The following ULK1 variants were observed in gnomAD, a reference collection of about 807,000 sequenced individuals.
ULK1 encodes the protein serine/threonine-protein kinase ULK1.
Under a neutral mutation model 117.5 loss-of-function variants are expected in ULK1, and 48 were observed. That is an observed-to-expected ratio of 0.41 (90% confidence interval 0.32 to 0.52). ULK1 has a LOEUF of 0.52. ULK1 is among the 20% of genes least tolerant of loss of function. The pLI is 0.29. For synonymous variants in ULK1, 790 were observed against 637.8 expected (o/e 1.24, Z -3.60); for missense variants, 1,387 against 1,473.4 (o/e 0.94, Z 0.96).
chr12:131,917,499 C>T lies in ULK1; in HGVS notation c.2271C>T (p.Gly757=). The T allele has an allele frequency of 6.7e-7, 1 of 1,488,862 alleles. No homozygotes were observed. The allele number at this position is 1,488,862 out of a possible 1,614,324, so 92.2% of individuals were successfully genotyped here. A position where few individuals can be genotyped will look rare whatever the true frequency, so the allele number is the denominator to read the frequency against. The change falls in exon 22 of 28, where the codon GGC becomes GGT. Residue 757 remains glycine, a synonymous_variant. Transcript: ENST00000321867. ...SSPSPVVFTV[G]SPPSGSTPPQ... ...CTTCCCCGGTGGTCTTCACCGTGGG[C>T]TCTCCCCCGAGCGGGAGCACGCCCC... is the stretch of plus-strand genomic sequence containing the variant.
rs939349268 is a variant in ULK1 at position 131,903,518 on chromosome 12, C to G, written c.247-3374C>G. Among the ~76,000 whole-genome samples the G allele has an allele frequency of 1.3e-5, 2 of 152,082 alleles. No homozygotes were observed. Among genetic ancestry groups the G allele is most frequent in the African/African-American group, 4.8e-5 (2 of 41,390 alleles). ...ACTTCACAGGAGGCTCTCGGAGGCA[C>G]GGGAAAGGCCCTGGTGTGCCCCGAT... On this transcript the variant is annotated intron_variant, in intron 3 of 27. Transcript: ENST00000321867. The surrounding 1 kb of genome is among the most constrained non-coding windows in gnomAD (Gnocchi z 6.0).
rs1288098307 is a variant in ULK1, at chr12:131,913,750, C to A, written c.1161C>A (p.Ser387Arg). 1.3e-6 allele frequency: 2 copies of A among 1,532,326 alleles called. No homozygotes were observed. Among genetic ancestry groups the A allele is most frequent in the East Asian group, 5.0e-5 (2 of 40,190 alleles). 94.9% of individuals were successfully genotyped at this position (1,532,326 alleles called of 1,614,324 possible). A position where few individuals can be genotyped will look rare whatever the true frequency, so the allele number is the denominator to read the frequency against. ...TGGCCTCCCTTCTGCCCCACAGGAG[C>A]TCACTGGTGGCCTCTGCGGGCTTGG... ...PPPDSLMCSG[S>R]SLVASAGLES... Residue 387 changes from serine (S) to arginine (R), a missense_variant, in exon 15 of 28, where the codon AGC becomes AGA. This residue lies in a region of ULK1 where 260 missense variants were observed against 271.6 expected (regional missense o/e 0.96). Coordinates refer to ENST00000321867, the MANE Select transcript of ULK1 (RefSeq NM_003565.4).
intron 16 of ULK1, among the ~76,000 whole-genome samples, 188 bp from the exon 17 acceptor site, chr12:131,914,895 C>T (rs570806635): frequency 6.6e-6 from 1 of 152,188 alleles, no homozygotes; most frequent in East Asian, 1.9e-4. Context: ...ACTGTGTGGC[C>T]GGTTACCTGG....
intron 19 of ULK1, 64 bp downstream of exon 19, chr12:131,916,223 G>A: frequency 6.4e-7 from 1 of 1,572,060 alleles, no homozygotes; most frequent in Admixed American, 2.0e-5. Context: ...GGAATGGCCA[G>A]TCCTGAACAA....
chr12:131,907,082 T>C (rs1889306476), intron 4 of ULK1, among the ~76,000 whole-genome samples, 158 bp downstream of exon 4: 1 of 152,152 alleles, frequency 6.6e-6, no homozygotes, highest in Non-Finnish European at 1.5e-5. Flanking sequence ...AGTGCTGCGA[T>C]CTCAGCTTAC....
Position 131,913,234 on chromosome 12 carries a change from C to T in ULK1, c.1133C>T (p.Pro378Leu), listed in dbSNP as rs757096675. ...GCTGAGGCGCCCAGTGCCAAACCCC[C>T]GCCAGACAGCCTGATGTGCAGTGGG... ...LVAEAPSAKPPPDSLMCSGSS... is the reference protein window; with the variant it reads ...LVAEAPSAKPLPDSLMCSGSS... Residue 378 changes from proline (P) to leucine (L), a missense_variant, in exon 14 of 28, where the codon CCG becomes CTG. By Grantham distance (98) the Pro-to-Leu change is moderately conservative. Coordinates refer to ENST00000321867, the MANE Select transcript of ULK1 (RefSeq NM_003565.4). 2.6e-5 allele frequency: 42 copies of T among 1,592,204 alleles called. No homozygotes were observed. The highest frequency in any genetic ancestry group is 7.0e-5 in the Admixed American group (4 of 57,170).
Position 131,909,213 on chromosome 12 carries a change from C to T in ULK1, c.642C>T (p.Cys214=). 1.2e-6 allele frequency: 2 copies of T among 1,607,110 alleles called. No individual in the cohort carries two copies. Among genetic ancestry groups the T allele is most frequent in the Non-Finnish European group, 1.7e-6 (2 of 1,177,316 alleles). The part of the protein sequence containing the change: ...LWSIGTIVYQ[C]LTGKAPFQAS... ...GCATCGGCACCATCGTCTACCAGTGCCTGACGGGGAAGGCGCCCTTCCAGG... is the reference window on the plus strand; with the variant it reads ...GCATCGGCACCATCGTCTACCAGTGTCTGACGGGGAAGGCGCCCTTCCAGG... The change falls in exon 8 of 28, where the codon TGC becomes TGT. Residue 214 remains cysteine, a synonymous_variant. Coordinates refer to ENST00000321867, the MANE Select transcript of ULK1 (RefSeq NM_003565.4).
intron 3 of ULK1, among the ~76,000 whole-genome samples, chr12:131,905,054 G>T (rs999687976): frequency 4.6e-5 from 7 of 152,150 alleles, no homozygotes; most frequent in African/African-American, 1.7e-4. Flanking sequence ...CTGTGGGTGG[G>T]GTGGGCTGAG....
At position 131,921,150 on chromosome 12, in the gene ULK1, C is replaced by G; in HGVS notation, c.3012C>G (p.Val1004=). 1.2e-6 allele frequency: 2 copies of G among 1,604,354 alleles called. No individual in the cohort carries two copies. The highest frequency in any genetic ancestry group is 1.7e-6 in the Non-Finnish European group (2 of 1,179,830). The change falls in exon 27 of 28, where the codon GTC becomes GTG. Residue 1004 remains valine (V), a synonymous_variant. Coordinates refer to ENST00000321867, the MANE Select transcript of ULK1 (RefSeq NM_003565.4). ...TGTTCCAGCACCGTGAGGGCTGCGTCCCACGCTACCACAAGGCCCTGCTGC... is the reference window on the plus strand; with the variant it reads ...TGTTCCAGCACCGTGAGGGCTGCGTGCCACGCTACCACAAGGCCCTGCTGC... ...DEMFQHREGC[V]PRYHKALLLL... is the part of the protein sequence containing the mutation.
At position 131,915,132 on chromosome 12, in the gene ULK1, A is replaced by G; in HGVS notation, c.1423A>G (p.Arg475Gly). The change falls in exon 17 of 28, where the codon AGG (arginine) becomes GGG (glycine). Residue 475 changes from arginine (R) to glycine (G), a missense_variant. Transcript: ENST00000321867. ...CAGCACCAGCCCCCTGGGCTTTGCA[A>G]GGGCCAGCCCCTCGCCCCCTGCCCA... ...SGSTSPLGFARASPSPPAHAE... is the reference protein window; with the variant it reads ...SGSTSPLGFAGASPSPPAHAE... The G allele has an allele frequency of 6.3e-7, 1 of 1,598,350 alleles. No homozygotes were observed. The highest frequency in any genetic ancestry group is 1.1e-5 in the South Asian group (1 of 89,342).
Position 131,912,227 on chromosome 12 carries a change from G to A in ULK1, c.1096+138G>A, listed in dbSNP as rs1210608562. On this transcript the variant is annotated intron_variant, in intron 13 of 27. Transcript: ENST00000321867. ...GGGCCCCTGGGAGCCACCGGCATCG[G>A]CCCAGCTTGGTTGGGGAGGCCGTGT... The A allele has an allele frequency of 2.2e-6, 3 of 1,345,942 alleles. No homozygotes were observed. The Admixed American group carries it at 8.1e-5, about 36-fold the overall frequency. The allele number at this position is 1,345,942 out of a possible 1,614,324, so 83.4% of individuals were successfully genotyped here. A position where few individuals can be genotyped will look rare whatever the true frequency, so the allele number is the denominator to read the frequency against.
chr12:131,916,345 C>A, intron 19 of ULK1, 53 bp from the exon 20 acceptor site: 3 of 1,526,364 alleles, frequency 2.0e-6, no homozygotes, highest in Non-Finnish European at 2.6e-6. Context: ...AGGCACCGGG[C>A]CCCAGGGCTG....
Position 131,917,068 on chromosome 12 carries a change from T to A in ULK1, c.2182+6T>A. ...GGAGAAGCCCATGGAGATCGGTGTG[T>A]GGGTGGGTGGGGCTCGGAGGCTGTG... On this transcript the variant is annotated splice_donor_region_variant and intron_variant, in intron 21 of 27. Transcript: ENST00000321867. 8.6e-7 allele frequency: 1 copy of A among 1,164,174 alleles called. No individual in the cohort carries two copies. Among genetic ancestry groups the A allele is most frequent in the South Asian group, 1.4e-5 (1 of 71,260 alleles). 72.1% of individuals were successfully genotyped at this position (1,164,174 alleles called of 1,614,324 possible).
At position 131,917,525 on chromosome 12, in the gene ULK1, C is replaced by A. The variant is rs746422452; in HGVS notation, c.2297C>A (p.Pro766His). 5 of 1,449,196 alleles carry A rather than the reference C, an allele frequency of 3.5e-6. No individual in the cohort carries two copies. Among genetic ancestry groups the A allele is most frequent in the South Asian group, 3.0e-5 (2 of 67,016 alleles). The allele number at this position is 1,449,196 out of a possible 1,614,324, so 89.8% of individuals were successfully genotyped here. A position where few individuals can be genotyped will look rare whatever the true frequency, so the allele number is the denominator to read the frequency against. ...TCTCCCCCGAGCGGGAGCACGCCCC[C>A]CCAGGGCCCCCGCACCAGGATGTTC... ...VGSPPSGSTP[P>H]QGPRTRMFSA... is the part of the protein sequence containing the mutation. The change falls in exon 22 of 28, where the codon CCC becomes CAC. Residue 766 changes from proline (P) to histidine (H), a missense_variant. Physicochemically the swap from Pro to His is moderately conservative, Grantham distance 77. This residue lies in a region of ULK1 where 900 missense variants were observed against 858.9 expected (regional missense o/e 1.05). Transcript: ENST00000321867.
chr12:131,918,287 TG>T, intron 22 of ULK1: 2 of 625,328 alleles, frequency 3.2e-6, no homozygotes, highest in Non-Finnish European at 2.7e-6. Flanking sequence ...GGTGGGGAGC[TG>T]GGGACTTGGG....
intron 3 of ULK1, among the ~76,000 whole-genome samples, chr12:131,906,148 C>T (rs1889265237): frequency 1.3e-5 from 2 of 152,104 alleles, no homozygotes; most frequent in South Asian, 4.1e-4. Context: ...GGCTGGAGTG[C>T]AGTGGCACAG....
chr12:131,915,242 A>AG lies in ULK1; in HGVS notation c.1522+13dup. ...CGCCATCTCCTCAAGGTGCGCCTGC[A>AG]GGCTGGGGCCTGGGAAGGGGCGTCT... On this transcript the variant is annotated intron_variant, in intron 17 of 27. Coordinates refer to ENST00000321867, the MANE Select transcript of ULK1 (RefSeq NM_003565.4). The AG allele has an allele frequency of 6.2e-7, 1 of 1,604,266 alleles. No individual in the cohort carries two copies. The highest frequency in any genetic ancestry group is 8.5e-7 in the Non-Finnish European group (1 of 1,175,460).
chr12:131,915,002 C>G, intron 16 of ULK1, 81 bp from the exon 17 acceptor site: 1 of 1,495,312 alleles, frequency 6.7e-7, no homozygotes, highest in Non-Finnish European at 8.9e-7. Context: ...CTAATACCTG[C>G]CTTGTCCCCA....
chr12:131,895,739 G>T lies in ULK1; in HGVS notation c.205-44G>T, dbSNP rs374959077. 15 of 1,613,690 alleles carry T rather than the reference G, an allele frequency of 9.3e-6. No individual in the cohort carries two copies. The African/African-American group carries it at 1.7e-4, about 19-fold the overall frequency. Reference sequence around the variant, plus strand: ...GGGGCGTGGGCGTGGGCGTGGGCAAGCCCCCCTCCCCACACTGATAACAAA... The same window carrying T: ...GGGGCGTGGGCGTGGGCGTGGGCAATCCCCCCTCCCCACACTGATAACAAA... On this transcript the variant is annotated intron_variant, in intron 2 of 27. Transcript: ENST00000321867.
Sources: allele counts gnomAD v4.1 joint callset (sites outside exome capture counted in the v4.1 genomes callset), GRCh38; gene constraint gnomAD v4.1.1; regional missense constraint gnomAD v4.1.1; non-coding constraint Gnocchi (gnomAD v3.1); transcripts MANE v1.5; gene names NCBI Gene and HGNC (gene_info 2026-07-23, HGNC 2026-07-21).